NPAS3: variants seen among roughly 807,000 people sequenced by gnomAD.
NPAS3 encodes the protein neuronal PAS domain protein 3.
A neutral mutation model predicts 73.1 loss-of-function variants in NPAS3; 14 were observed. The ratio of observed to expected loss-of-function variants is 0.19; its 90% CI spans 0.13 to 0.30. The LOEUF (loss-of-function observed/expected upper bound fraction) is 0.30, where lower values mean the gene tolerates loss of function less well. Among genes scored for constraint, NPAS3 ranks in the 10% least tolerant of loss-of-function variants. NPAS3 has a pLI of 1.00. For synonymous variants in NPAS3, 620 were observed against 541.5 expected, an observed-to-expected ratio of 1.14 and a Z score of -2.01; for missense variants, 1,096 against 1,250.0, an observed-to-expected ratio of 0.88 and a Z score of 1.86.
chr14:33,308,510 T>C (rs1023422778), intron 3 of NPAS3, among the ~76,000 whole-genome samples: 1 of 83,542 alleles, frequency 1.2e-5, no homozygotes, highest in Non-Finnish European at 2.2e-5. Context: ...ATTGCATAGT[T>C]TATATATATA....
chr14:33,183,195 G>A (rs1216024941), intron 2 of NPAS3, among the ~76,000 whole-genome samples: 1 of 152,124 alleles, frequency 6.6e-6, no homozygotes, highest in Non-Finnish European at 1.5e-5. Flanking sequence ...GGAGGCCGAG[G>A]CAGGCGGATC....
chr14:33,413,870 T>C (rs17101042), intron 4 of NPAS3, among the ~76,000 whole-genome samples: 27,722 of 152,070 alleles, frequency 0.18, 2,752 homozygotes, highest in Admixed American at 0.27. Flanking sequence ...TTTCCTTCTT[T>C]CTGGATGGAG....
At chr14:33,095,722 G>T (rs902726380) in intron 2 of NPAS3, among the ~76,000 whole-genome samples, 1 of 139,048 alleles carries the variant, frequency 7.2e-6, no homozygotes, top group African/African-American at 2.7e-5. Context: ...AGGCTGGAGT[G>T]CAGTGGCGCG....
chr14:33,236,986 A>G (rs968083630), intron 3 of NPAS3, among the ~76,000 whole-genome samples: 5 of 152,122 alleles, frequency 3.3e-5, no homozygotes, highest in African/African-American at 1.2e-4. Context: ...TACAAAAATC[A>G]AACTGAATTA....
chr14:33,583,749 T>C (rs1034801750), intron 5 of NPAS3, among the ~76,000 whole-genome samples: 1 of 152,214 alleles, frequency 6.6e-6, no homozygotes, highest in Non-Finnish European at 1.5e-5. Context: ...CAGATGTCAA[T>C]GGCATTTTAA....
chr14:33,125,339 A>G (rs2043388820), intron 2 of NPAS3, among the ~76,000 whole-genome samples: 2 of 152,126 alleles, frequency 1.3e-5, no homozygotes, highest in Non-Finnish European at 2.9e-5. Flanking sequence ...AGTGAAATTT[A>G]TCTTCAGGGT....
chr14:32,997,998 C>T (rs2038652820), intron 1 of NPAS3, among the ~76,000 whole-genome samples: 1 of 152,180 alleles, frequency 6.6e-6, no homozygotes, highest in African/African-American at 2.4e-5. Context: ...CATAGAATTA[C>T]CTTCGTACCC....
At chr14:33,586,989 C>G (rs1186909799) in intron 5 of NPAS3, among the ~76,000 whole-genome samples, 2 of 152,130 alleles carry the variant, frequency 1.3e-5, no homozygotes, top group African/African-American at 4.8e-5. Context: ...ATCCGAGGAC[C>G]GGCTCCCCAA....
intron 2 of NPAS3, among the ~76,000 whole-genome samples, chr14:33,118,699 T>G (rs79853653): frequency 0.014 from 2,104 of 152,170 alleles, 53 homozygotes; most frequent in African/African-American, 0.048. Flanking sequence ...TTGTTTATTT[T>G]TGGAGGGACT....
Position 32,976,255 on chromosome 14 carries a change from G to A in NPAS3, c.50+36889G>A, listed in dbSNP as rs74041757. ...GGGGACAGTTAGGAAGACGGCTCTC[G>A]CACTAGGCCTCAGTGTGTCTCACCT... On this transcript the variant is annotated intron_variant, in intron 1 of 11. Transcript: ENST00000356141. Among the ~76,000 whole-genome samples the A allele has an allele frequency of 4.2e-3, 645 of 152,176 alleles. 6 individuals carry two copies. Among genetic ancestry groups the A allele is most frequent in the African/African-American group, 0.015 (606 of 41,520 alleles).
At chr14:33,114,282 C>A (rs530273968) in intron 2 of NPAS3, among the ~76,000 whole-genome samples, 1 of 152,242 alleles carries the variant, frequency 6.6e-6, no homozygotes, top group African/African-American at 2.4e-5. Context: ...TGATCCACCC[C>A]CCTTTGGCCT....
At chr14:33,692,830 A>C (rs1339736137) in intron 6 of NPAS3, among the ~76,000 whole-genome samples, 3 of 112,978 alleles carry the variant, frequency 2.7e-5, no homozygotes, top group African/African-American at 1.1e-4. Context: ...AAGTAGCCCA[A>C]TGTCTTAAAA....
chr14:33,361,253 A>G (rs1017902180), intron 3 of NPAS3, among the ~76,000 whole-genome samples: 2 of 152,230 alleles, frequency 1.3e-5, no homozygotes, highest in African/African-American at 2.4e-5. Flanking sequence ...CAAATATACA[A>G]AAACATTTTC....
chr14:33,634,761 G>T (rs145231471), intron 5 of NPAS3, among the ~76,000 whole-genome samples: 2 of 152,322 alleles, frequency 1.3e-5, no homozygotes, highest in African/African-American at 4.8e-5. Flanking sequence ...GTGGAACATT[G>T]TGGTAGAGAC....
chr14:33,219,587 T>C (rs1485148662), intron 3 of NPAS3, among the ~76,000 whole-genome samples: 1 of 152,218 alleles, frequency 6.6e-6, no homozygotes, highest in Non-Finnish European at 1.5e-5. Flanking sequence ...CCATAGAATT[T>C]CCCTTCACTA....
intron 5 of NPAS3, among the ~76,000 whole-genome samples, chr14:33,652,414 A>G (rs188858692): frequency 1.3e-5 from 2 of 152,306 alleles, no homozygotes; most frequent in Admixed American, 6.5e-5. Flanking sequence ...GTTAGCACAG[A>G]TGACCTTCTA....
chr14:33,415,053 T>G (rs2048091981), intron 4 of NPAS3, among the ~76,000 whole-genome samples: 1 of 152,122 alleles, frequency 6.6e-6, no homozygotes, highest in Admixed American at 6.6e-5. Flanking sequence ...AATCTATATT[T>G]TTCAACCAAT....
chr14:33,350,631 A>G (rs2044995441), intron 3 of NPAS3, among the ~76,000 whole-genome samples: 1 of 152,240 alleles, frequency 6.6e-6, no homozygotes, highest in Non-Finnish European at 1.5e-5. Flanking sequence ...TCATGTTACA[A>G]CTACTAGCGG....
chr14:33,106,385 A>G lies in NPAS3; in HGVS notation c.140+50391A>G, dbSNP rs1200542999. Among the ~76,000 whole-genome samples, 6 of 152,124 alleles carry G rather than the reference A, an allele frequency of 3.9e-5. 1 individual carries two copies. The highest frequency in any genetic ancestry group is 4.1e-4 in the South Asian group (2 of 4,834). ...CCTGCTATTAAATGCCACCTTCTCC[A>G]TTGTTTTAATTCAGTTTGAGTTTAT... On this transcript the variant is annotated intron_variant, in intron 2 of 11. Transcript: ENST00000356141.
Sources: allele counts gnomAD v4.1 joint callset (sites outside exome capture counted in the v4.1 genomes callset), GRCh38; gene constraint gnomAD v4.1.1; transcripts MANE v1.5; gene names NCBI Gene and HGNC (gene_info 2026-07-23, HGNC 2026-07-21).